DENND10: variants seen among roughly 807,000 people sequenced by gnomAD.
The protein encoded by DENND10 is DENN domain containing 10, also known as DENN domain-containing protein 10.
A neutral mutation model predicts 43.6 loss-of-function variants in DENND10; 24 were observed. The ratio of observed to expected loss-of-function variants is 0.55; its 90% confidence interval spans 0.40 to 0.77. The LOEUF (loss-of-function observed/expected upper bound fraction) is 0.77, where lower values mean the gene tolerates loss of function less well. DENND10 is among the 30% of genes least tolerant of loss of function. The probability of loss-of-function intolerance (pLI) is 0.00; values close to 1 mark genes in which losing one functional copy is unlikely to be tolerated. For missense variants in DENND10, 303 were observed against 429.9 expected (o/e 0.70, Z 2.61); for synonymous variants, 125 against 157.6 (o/e 0.79, Z 1.55).
chr10:119,113,530 T>A (rs1449774793), intron 3 of DENND10, among the ~76,000 whole-genome samples: 1 of 151,700 alleles, frequency 6.6e-6, no homozygotes, highest in Non-Finnish European at 1.5e-5. Context: ...CTAGATAGAA[T>A]TATAATTCTA....
intron 2 of DENND10, among the ~76,000 whole-genome samples, chr10:119,109,203 C>T (rs1439126977): frequency 1.7e-5 from 2 of 115,754 alleles, no homozygotes; most frequent in African/African-American, 6.4e-5. Flanking sequence ...GCAACAAGAG[C>T]GAAACTCCGT....
intron 5 of DENND10, among the ~76,000 whole-genome samples, chr10:119,121,804 A>G (rs1000481764): frequency 6.6e-6 from 1 of 152,050 alleles, no homozygotes; most frequent in Non-Finnish European, 1.5e-5. Flanking sequence ...GGTTTACTGT[A>G]TGTCAGGCAT....
intron 4 of DENND10, among the ~76,000 whole-genome samples, chr10:119,118,297 G>A (rs534651107): frequency 1.6e-4 from 24 of 152,130 alleles, no homozygotes; most frequent in African/African-American, 5.5e-4. Flanking sequence ...ATATTTTCTC[G>A]CTGGTGGGCT....
At chr10:119,126,100 C>T (rs1480133296) in intron 6 of DENND10, among the ~76,000 whole-genome samples, 2 of 152,152 alleles carry the variant, frequency 1.3e-5, no homozygotes, top group Admixed American at 6.6e-5. Flanking sequence ...ATGATGCCTC[C>T]AGTTCCATCC....
intron 6 of DENND10, among the ~76,000 whole-genome samples, chr10:119,124,371 C>CAAAAAAAAAA (rs1175412178): frequency 2.9e-5 from 3 of 104,866 alleles, no homozygotes; most frequent in African/African-American, 3.6e-5. Flanking sequence ...ACTAAAATAC[C>CAAAAAAAAAA]AAAAAAAAAA....
chr10:119,108,025 C>T lies in DENND10; in HGVS notation c.113C>T (p.Thr38Ile). The change falls in exon 2 of 9, where the codon ACA becomes ATA. Residue 38 changes from threonine to isoleucine, a missense_variant. By Grantham distance (89) the Thr-to-Ile change is moderately conservative (BLOSUM62 -1). Transcript: ENST00000361432. ...WVWCYPSTTA[T>I]LRNLLLRKCC... is the part of the protein sequence containing the mutation. ...TGGTGTTATCCTTCCACGACAGCCACATTAAGGAACCTGCTGCTGAGAAAA... is the reference window on the plus strand; with the variant it reads ...TGGTGTTATCCTTCCACGACAGCCATATTAAGGAACCTGCTGCTGAGAAAA... 1 of 1,611,680 alleles carries T rather than the reference C, an allele frequency of 6.2e-7. No homozygotes were observed. The highest frequency in any genetic ancestry group is 2.2e-5 in the East Asian group (1 of 44,778).
intron 7 of DENND10, among the ~76,000 whole-genome samples, chr10:119,131,961 T>C (rs141981657): frequency 1.7e-4 from 26 of 152,330 alleles, no homozygotes; most frequent in African/African-American, 6.3e-4. Context: ...AGTCTGTCTC[T>C]TGAAGTGACA....
Position 119,111,440 on chromosome 10 carries a change from A to G in DENND10, c.253-409A>G, listed in dbSNP as rs1272644124. ...AGCCTAGGCAACATAGTGAGACCCC[A>G]ACTCAAAAAAAAAAATAGGTAAAAT... On this transcript the variant is annotated intron_variant, in intron 2 of 8. Coordinates refer to ENST00000361432, the MANE Select transcript of DENND10 (RefSeq NM_207009.4). Among the ~76,000 whole-genome samples, 5 of 151,322 alleles carry G rather than the reference A, an allele frequency of 3.3e-5. No homozygotes were observed. In the East Asian group the frequency reaches 1.0e-3, roughly 30 times the overall value.
At position 119,123,449 on chromosome 10, in the gene DENND10, T is replaced by C; in HGVS notation, c.594-20T>C. 2 of 1,597,546 alleles carry C rather than the reference T, an allele frequency of 1.3e-6. No individual in the cohort carries two copies. The highest frequency in any genetic ancestry group is 1.7e-6 in the Non-Finnish European group (2 of 1,165,288). ...AGGTGTGGACCAGCAACAACTTGAG[T>C]TCTTGCCTTGATTCCCCAGGACTCT... On this transcript the variant is annotated intron_variant, in intron 5 of 8. Transcript: ENST00000361432.
At chr10:119,115,098 G>T (rs1845182854) in intron 3 of DENND10, among the ~76,000 whole-genome samples, 1 of 152,126 alleles carries the variant, frequency 6.6e-6, no homozygotes, top group East Asian at 1.9e-4. Context: ...TGGCATTTTG[G>T]TTTTTTGTTG....
intron 6 of DENND10, among the ~76,000 whole-genome samples, chr10:119,128,703 C>T (rs1009189814): frequency 1.3e-5 from 2 of 152,072 alleles, no homozygotes; most frequent in African/African-American, 2.4e-5. Context: ...ATAGTGGCTT[C>T]TGCTTCTGTG....
In DENND10 at chr10:119,113,462, G is replaced by T. The variant is rs561961912; in HGVS notation, c.332+1534G>T. Among the ~76,000 whole-genome samples the T allele has an allele frequency of 8.6e-5, 13 of 151,028 alleles. 1 individual carries two copies. The highest frequency in any genetic ancestry group is 3.2e-4 in the African/African-American group (13 of 41,068). ...ATCCTCTGCCTTGGCTTTTCAAAGC[G>T]CTGAGATTACAAACGTGAGCCACTG... On this transcript the variant is annotated intron_variant, in intron 3 of 8. Transcript: ENST00000361432.
At chr10:119,131,047 T>C (rs1339051535) in intron 7 of DENND10, among the ~76,000 whole-genome samples, 6 of 152,220 alleles carry the variant, frequency 3.9e-5, no homozygotes, top group Non-Finnish European at 8.8e-5. Flanking sequence ...GTGACTCCAG[T>C]ATGGAAAATC....
chr10:119,128,617 A>C (rs1307380477), intron 6 of DENND10, among the ~76,000 whole-genome samples: 2 of 151,416 alleles, frequency 1.3e-5, no homozygotes, highest in Non-Finnish European at 2.9e-5. Context: ...AAAAAAAAAA[A>C]CAAAAAAACT....
At chr10:119,104,315 GGCC>G in intron 1 of DENND10, 118 bp downstream of exon 1, 3 of 956,342 alleles carry the variant, frequency 3.1e-6, no homozygotes, top group Non-Finnish European at 4.5e-6. Flanking sequence ...AGGAGGGCGC[GGCC>G]CCCTCCCTGT....
intron 3 of DENND10, among the ~76,000 whole-genome samples, chr10:119,113,374 A>T (rs1845075280): frequency 6.8e-6 from 1 of 147,418 alleles, no homozygotes. Flanking sequence ...ATATATATAT[A>T]TTTTGTAGAA....
chr10:119,105,887 G>A (rs759307318), intron 1 of DENND10, among the ~76,000 whole-genome samples: 39 of 151,956 alleles, frequency 2.6e-4, no homozygotes, highest in Non-Finnish European at 4.0e-4. Context: ...CCCCAACCCC[G>A]TCTCAAAAAA....
chr10:119,111,610 G>A (rs1844979111), intron 2 of DENND10, among the ~76,000 whole-genome samples: 2 of 151,976 alleles, frequency 1.3e-5, no homozygotes, highest in Admixed American at 1.3e-4. Context: ...AAGTATTTTT[G>A]ATTTCTGAAA....
chr10:119,109,090 C>G (rs1045537230), intron 2 of DENND10, among the ~76,000 whole-genome samples: 9 of 151,668 alleles, frequency 5.9e-5, no homozygotes, highest in African/African-American at 2.2e-4. Context: ...GTGGCGCATG[C>G]CTGTAATCCC....
Sources: allele counts gnomAD v4.1 joint callset (sites outside exome capture counted in the v4.1 genomes callset), GRCh38; gene constraint gnomAD v4.1.1; transcripts MANE v1.5; gene names NCBI Gene and HGNC (gene_info 2026-07-23, HGNC 2026-07-21).